The following DOCK2 variants were observed in gnomAD, a reference collection of about 807,000 sequenced individuals.
DOCK2 encodes the protein dedicator of cytokinesis 2.
DOCK2 carries 87 observed loss-of-function variants against 248.9 expected under a neutral mutation model. The ratio of observed to expected loss-of-function variants is 0.35; its 90% CI spans 0.29 to 0.42. The LOEUF is 0.42. DOCK2 is among the 10% of genes least tolerant of loss of function. The probability of loss-of-function intolerance (pLI) is 1.00; values close to 1 mark genes in which losing one functional copy is unlikely to be tolerated. For missense variants in DOCK2, 1,747 were observed against 2,300.2 expected (o/e 0.76, Z 4.92); for synonymous variants, 805 against 821.6 (o/e 0.98, Z 0.35).
At chr5:169,718,256 G>A (rs1382739709) in intron 21 of DOCK2, among the ~76,000 whole-genome samples, 2 of 151,986 alleles carry the variant, frequency 1.3e-5, no homozygotes, top group Non-Finnish European at 2.9e-5. Flanking sequence ...TCTGCCCTAT[G>A]GTAAAGAAGA....
intron 5 of DOCK2, among the ~76,000 whole-genome samples, chr5:169,672,256 C>T (rs1005432820): frequency 6.6e-6 from 1 of 152,208 alleles, no homozygotes; most frequent in Non-Finnish European, 1.5e-5. Flanking sequence ...GATCCACCCA[C>T]CTTGGCCTTC....
chr5:170,030,358 T>C (rs958425724), intron 34 of DOCK2, among the ~76,000 whole-genome samples: 1 of 152,164 alleles, frequency 6.6e-6, no homozygotes, highest in African/African-American at 2.4e-5. Flanking sequence ...AGAACATCCA[T>C]GGGGCCCCTG....
chr5:169,970,811 C>T (rs991803651), intron 27 of DOCK2, among the ~76,000 whole-genome samples: 18 of 152,190 alleles, frequency 1.2e-4, no homozygotes, highest in Non-Finnish European at 2.4e-4. Flanking sequence ...ATAAGTTGAT[C>T]TGATATCTGG....
At chr5:169,641,127 T>G (rs1345141079) in intron 1 of DOCK2, among the ~76,000 whole-genome samples, 2 of 152,224 alleles carry the variant, frequency 1.3e-5, no homozygotes, top group Non-Finnish European at 2.9e-5. Flanking sequence ...GCATTTCTCC[T>G]TTTAAAAAGG....
At chr5:169,917,319 A>G (rs1046883024) in intron 27 of DOCK2, among the ~76,000 whole-genome samples, 1 of 152,164 alleles carries the variant, frequency 6.6e-6, no homozygotes, top group African/African-American at 2.4e-5. Flanking sequence ...ATAAATACCA[A>G]TGAATGAATT....
intron 27 of DOCK2, among the ~76,000 whole-genome samples, chr5:169,959,205 A>T (rs1039566093): frequency 2.0e-5 from 3 of 152,112 alleles, no homozygotes; most frequent in Non-Finnish European, 2.9e-5. Flanking sequence ...ATCCTGGCTA[A>T]CATGGTGAAA....
intron 29 of DOCK2, among the ~76,000 whole-genome samples, chr5:169,993,090 A>G (rs1389689666): frequency 1.3e-5 from 2 of 152,176 alleles, no homozygotes; most frequent in African/African-American, 4.8e-5. Context: ...TATTGTATTC[A>G]AGTTTCTGAG....
At chr5:169,648,340 C>T (rs562903764) in intron 1 of DOCK2, among the ~76,000 whole-genome samples, 1 of 152,302 alleles carries the variant, frequency 6.6e-6, no homozygotes, top group South Asian at 2.1e-4. Flanking sequence ...CAACAAATGT[C>T]TCTTCTAGTG....
At chr5:169,670,822 C>T (rs1759010583) in intron 4 of DOCK2, among the ~76,000 whole-genome samples, 1 of 152,156 alleles carries the variant, frequency 6.6e-6, no homozygotes. Context: ...GAGAATCAAA[C>T]TTTTTGCTGG....
chr5:169,700,272 A>C (rs264845), intron 13 of DOCK2, 133 bp downstream of exon 13: 632,424 of 1,319,628 alleles, frequency 0.48, 158,075 homozygotes, highest in African/African-American at 0.77. Context: ...TGAAGGTAAC[A>C]ACTAAAAATG....
At chr5:169,861,416 G>A (rs529354010) in intron 27 of DOCK2, among the ~76,000 whole-genome samples, 3 of 152,328 alleles carry the variant, frequency 2.0e-5, no homozygotes, top group African/African-American at 7.2e-5. Flanking sequence ...CTCTATAGAT[G>A]AGCTGGTATT....
chr5:170,083,024 A>G lies in DOCK2; in HGVS notation c.*166A>G, dbSNP rs894016712. 36 of 752,850 alleles carry G rather than the reference A, an allele frequency of 4.8e-5. No homozygotes were observed. The highest frequency in any genetic ancestry group is 3.8e-4 in the Middle Eastern group (1 of 2,648). The allele number at this position is 752,850 out of a possible 1,614,324, so 46.6% of individuals were successfully genotyped here. On this transcript the variant is annotated 3_prime_UTR_variant, in exon 52 of 52. Coordinates refer to ENST00000520908, the MANE Select transcript of DOCK2 (RefSeq NM_004946.3). ...AATCAGGTCCCAGAGCTTGAATGCT[A>G]ACAAGCCCAGCATCCCCTGGGGCTG...
chr5:169,662,062 A>G (rs1200734025), intron 2 of DOCK2, among the ~76,000 whole-genome samples: 2 of 152,206 alleles, frequency 1.3e-5, no homozygotes, highest in Non-Finnish European at 2.9e-5. Context: ...ATGACTACCA[A>G]TCTACATTCT....
intron 43 of DOCK2, 160 bp from the exon 44 acceptor site, chr5:170,057,420 G>A (rs1422983615): frequency 5.7e-6 from 4 of 698,188 alleles, no homozygotes; most frequent in African/African-American, 5.2e-5. Context: ...TTAAGGGTAA[G>A]GTGAGAGCGT....
intron 27 of DOCK2, among the ~76,000 whole-genome samples, chr5:169,894,838 G>A (rs1773504542): frequency 6.6e-6 from 1 of 152,172 alleles, no homozygotes; most frequent in Non-Finnish European, 1.5e-5. Context: ...AGTCCATGCG[G>A]GGGTTGTGGC....
At chr5:170,037,988 G>C (rs1056588795) in intron 36 of DOCK2, among the ~76,000 whole-genome samples, 1 of 152,136 alleles carries the variant, frequency 6.6e-6, no homozygotes, top group Non-Finnish European at 1.5e-5. Flanking sequence ...CATTACTCCA[G>C]AAATAGGAGC....
chr5:169,740,664 C>T (rs1763258887), intron 22 of DOCK2, among the ~76,000 whole-genome samples: 2 of 152,210 alleles, frequency 1.3e-5, no homozygotes, highest in Non-Finnish European at 2.9e-5. Flanking sequence ...TCTGTGGCCT[C>T]TAGGGCTGCT....
At chr5:169,729,452 T>C (rs1194539891) in intron 22 of DOCK2, among the ~76,000 whole-genome samples, 2 of 152,162 alleles carry the variant, frequency 1.3e-5, no homozygotes, top group Non-Finnish European at 2.9e-5. Context: ...GTCCTTCAAG[T>C]CTCTAAACTG....
chr5:169,810,891 C>T (rs1767696984), intron 26 of DOCK2, among the ~76,000 whole-genome samples: 1 of 151,904 alleles, frequency 6.6e-6, no homozygotes, highest in African/African-American at 2.4e-5. Flanking sequence ...TGCCCCCCAC[C>T]CCCCATGAAT....
Sources: allele counts gnomAD v4.1 joint callset (sites outside exome capture counted in the v4.1 genomes callset), GRCh38; gene constraint gnomAD v4.1.1; transcripts MANE v1.5; gene names NCBI Gene and HGNC (gene_info 2026-07-23, HGNC 2026-07-21).